MED13L: variants seen among roughly 807,000 people sequenced by gnomAD.
The protein encoded by MED13L is mediator of RNA polymerase II transcription subunit 13-like.
A neutral mutation model predicts 220.9 loss-of-function variants in MED13L; 7 were observed. The ratio of observed to expected loss-of-function variants is 0.03; its 90% CI spans 0.02 to 0.06. MED13L has a LOEUF of 0.06. MED13L is among the 10% of genes least tolerant of loss of function. MED13L has a pLI of 1.00. For missense variants in MED13L, 1,965 were observed against 2,760.5 expected (o/e 0.71, Z 6.46); for synonymous variants, 1,011 against 1,015.2 (o/e 1.00, Z 0.08).
At chr12:116,120,440 TTCTCTCTCTCTCTCTCTCTCTCTC>T (rs67306353) in intron 2 of MED13L, among the ~76,000 whole-genome samples, 12 of 98,386 alleles carry the variant, frequency 1.2e-4, no homozygotes, top group Non-Finnish European at 1.2e-4. Flanking sequence ...TAATCTCTCT[TTCTCTCTCTCTCTCTCTCTCTCTC>T]TCTCTCTCTC....
intron 3 of MED13L, among the ~76,000 whole-genome samples, chr12:116,109,060 CTTTTTTTTTTTTTT>C (rs751600660): frequency 3.1e-5 from 3 of 97,082 alleles, no homozygotes; most frequent in Non-Finnish European, 4.1e-5. Flanking sequence ...AATTAATTTC[CTTTTTTTTTTTTTT>C]TTTTTTTTTT....
intron 23 of MED13L, among the ~76,000 whole-genome samples, chr12:115,977,648 T>C (rs1877026194): frequency 6.6e-6 from 1 of 152,200 alleles, no homozygotes; most frequent in Admixed American, 6.5e-5. Context: ...TGGTACATGT[T>C]ATGACATGGA....
chr12:116,253,480 CCAAA>C (rs1213319287), intron 1 of MED13L, among the ~76,000 whole-genome samples: 7 of 151,902 alleles, frequency 4.6e-5, no homozygotes, highest in Non-Finnish European at 1.0e-4. Context: ...GATACCAAAA[CCAAA>C]CAGAGATGAT....
intron 26 of MED13L, among the ~76,000 whole-genome samples, chr12:115,971,419 G>A (rs570512436): frequency 1.1e-3 from 175 of 152,270 alleles, no homozygotes; most frequent in African/African-American, 3.9e-3. Flanking sequence ...ACTTTTATAA[G>A]GAATAAGTGG....
chr12:116,005,958 A>G lies in MED13L; in HGVS notation c.2380T>C (p.Ser794Pro). 6.2e-7 allele frequency: 1 copy of G among 1,613,992 alleles called. No individual in the cohort carries two copies. The highest frequency in any genetic ancestry group is 8.5e-7 in the Non-Finnish European group (1 of 1,179,872). The change falls in exon 13 of 31, where the codon TCC becomes CCC. Residue 794 changes from serine to proline, a missense_variant. Around this residue, in one of 10 missense-constraint regions of MED13L, gnomAD observed 818 missense variants for 1,041.2 expected, o/e 0.79. Coordinates refer to ENST00000281928, the MANE Select transcript of MED13L (RefSeq NM_015335.5). ...RQDNAAGRAG[S>P]SSLTQVTDLA... ...TCTGTTACCTGTGTAAGGCTACTGG[A>G]GCCAGCTCTGCCAGCAGCATTATCC...
At chr12:116,217,769 C>T (rs901614672) in intron 2 of MED13L, among the ~76,000 whole-genome samples, 1 of 152,136 alleles carries the variant, frequency 6.6e-6, no homozygotes, top group African/African-American at 2.4e-5. Flanking sequence ...TAACACATTA[C>T]CTGGCCCTTA....
At chr12:116,063,287 G>A (rs1869657791) in intron 4 of MED13L, among the ~76,000 whole-genome samples, 1 of 152,288 alleles carries the variant, frequency 6.6e-6, no homozygotes, top group Admixed American at 6.5e-5. Flanking sequence ...CAGTGCAGAG[G>A]ATCCCTTAAA....
intron 2 of MED13L, among the ~76,000 whole-genome samples, chr12:116,188,252 A>T (rs897560349): frequency 6.6e-6 from 1 of 152,170 alleles, no homozygotes; most frequent in Admixed American, 6.6e-5. Context: ...TTCTAAAACC[A>T]TGTTTTTGAA....
At chr12:116,155,612 G>A (rs1288032571) in intron 2 of MED13L, among the ~76,000 whole-genome samples, 3 of 152,052 alleles carry the variant, frequency 2.0e-5, no homozygotes, top group African/African-American at 7.2e-5. Flanking sequence ...TTTGATCCAA[G>A]CCTATTAGCG....
At chr12:116,097,628 A>G (rs1459475624) in intron 3 of MED13L, among the ~76,000 whole-genome samples, 1 of 152,186 alleles carries the variant, frequency 6.6e-6, no homozygotes, top group African/African-American at 2.4e-5. Context: ...TGCAAGAAAC[A>G]AGGAATTGCA....
intron 2 of MED13L, among the ~76,000 whole-genome samples, chr12:116,126,964 C>G (rs1460125923): frequency 6.6e-6 from 1 of 152,120 alleles, no homozygotes; most frequent in Non-Finnish European, 1.5e-5. Flanking sequence ...AATCTACCCA[C>G]CATTCAGAAT....
In MED13L at chr12:116,008,812, C is replaced by A. The variant is rs775387694; in HGVS notation, c.1601G>T (p.Arg534Ile). ...CAGATTCATTTGCTTGCTTGTATTT[C>A]TGGAAGGCACGGCCATTTGCTTATC... ...KYDKQMAVPS[R>I]NTSKQMNLNP... The change falls in exon 10 of 31, where the codon AGA becomes ATA. Residue 534 changes from arginine to isoleucine, a missense_variant. Arg to Ile is a moderately conservative substitution (Grantham distance 97). This residue lies in a region of MED13L where 818 missense variants were observed against 1,041.2 expected (regional missense o/e 0.79). Transcript: ENST00000281928. 53 of 1,613,864 alleles carry A rather than the reference C, an allele frequency of 3.3e-5. No homozygotes were observed. In the East Asian group the frequency reaches 1.2e-3, roughly 36 times the overall value.
At position 116,056,763 on chromosome 12, in the gene MED13L, T is replaced by C. The variant is rs1287540402; in HGVS notation, c.480-34162A>G. Among the ~76,000 whole-genome samples the C allele has an allele frequency of 2.0e-5, 3 of 151,802 alleles. No homozygotes were observed. In the East Asian group the frequency reaches 5.8e-4, roughly 29 times the overall value. ...AAATTAATTTTTATCTACTCTTAAA[T>C]GATTGCACAATTATAGGATAGAAAT... On this transcript the variant is annotated intron_variant, in intron 4 of 30. Coordinates refer to ENST00000281928, the MANE Select transcript of MED13L (RefSeq NM_015335.5).
At chr12:116,096,540 CTG>C in intron 4 of MED13L, 127 bp downstream of exon 4, 1 of 672,816 alleles carries the variant, frequency 1.5e-6, no homozygotes, top group Non-Finnish European at 2.7e-6. Context: ...TTTAAGAACA[CTG>C]TGATCCAGGA....
chr12:116,047,079 G>A (rs1464573620), intron 4 of MED13L, among the ~76,000 whole-genome samples: 1 of 152,246 alleles, frequency 6.6e-6, no homozygotes, highest in Non-Finnish European at 1.5e-5. Flanking sequence ...GCCAGGCGCA[G>A]AGGCTCATGC....
chr12:116,121,467 C>T (rs940991872), intron 2 of MED13L, among the ~76,000 whole-genome samples: 2 of 151,936 alleles, frequency 1.3e-5, no homozygotes, highest in Admixed American at 1.3e-4. Flanking sequence ...GAAAGATATC[C>T]CTTCCAATTC....
At chr12:116,167,910 T>C (rs746505496) in intron 2 of MED13L, among the ~76,000 whole-genome samples, 4 of 152,234 alleles carry the variant, frequency 2.6e-5, no homozygotes, top group African/African-American at 9.6e-5. Flanking sequence ...TATTTAATGA[T>C]GTTTATTCAA....
intron 14 of MED13L, among the ~76,000 whole-genome samples, chr12:115,999,645 C>A (rs987895866): frequency 2.0e-5 from 3 of 151,826 alleles, no homozygotes; most frequent in African/African-American, 7.3e-5. Flanking sequence ...TTAAACATAG[C>A]CTTTCTTATA....
intron 1 of MED13L, among the ~76,000 whole-genome samples, chr12:116,271,862 G>A (rs1873387118): frequency 6.6e-6 from 1 of 151,874 alleles, no homozygotes; most frequent in Non-Finnish European, 1.5e-5. Flanking sequence ...TGGCTAACTG[G>A]TTAGCTCCTG....
Sources: gnomAD v4.1 joint callset for allele counts (sites outside exome capture counted in the v4.1 genomes callset) on GRCh38, gnomAD v4.1.1 for gene constraint, gnomAD v4.1.1 regional missense constraint, MANE v1.5 for transcripts, NCBI Gene and HGNC (gene_info 2026-07-23, HGNC 2026-07-21) for gene names.